DLG2: variants seen among roughly 807,000 people sequenced by gnomAD.
The protein encoded by DLG2 is disks large homolog 2.
DLG2 carries 45 observed loss-of-function variants against 132.5 expected under a neutral mutation model. The observed-to-expected ratio is 0.34, with a 90% CI of 0.27 to 0.44. The LOEUF is 0.44. DLG2 is among the 20% of genes least tolerant of loss of function. The pLI, the probability that DLG2 is intolerant of heterozygous loss-of-function variation, is 1.00. For synonymous variants in DLG2, 424 were observed against 419.6 expected (o/e 1.01, Z -0.13); for missense variants, 1,045 against 1,196.9 (o/e 0.87, Z 1.87).
intron 19 of DLG2, among the ~76,000 whole-genome samples, chr11:83,609,751 A>T (rs1300782841): frequency 6.6e-6 from 1 of 152,024 alleles, no homozygotes. Flanking sequence ...AGCAAAAAAA[A>T]CCCTGCTGGA....
intron 6 of DLG2, among the ~76,000 whole-genome samples, chr11:84,681,153 T>A (rs1401594778): frequency 6.6e-6 from 1 of 152,206 alleles, no homozygotes; most frequent in Admixed American, 6.5e-5. Flanking sequence ...AAAAGTCAAT[T>A]TGAGAAATGT....
At chr11:85,397,517 C>T (rs2087528471) in intron 3 of DLG2, among the ~76,000 whole-genome samples, 1 of 152,120 alleles carries the variant, frequency 6.6e-6, no homozygotes, top group Non-Finnish European at 1.5e-5. Context: ...CATTGGTATG[C>T]TGTATTCAGG....
chr11:85,606,523 C>G (rs1029959006), intron 2 of DLG2, among the ~76,000 whole-genome samples: 3 of 152,112 alleles, frequency 2.0e-5, no homozygotes, highest in African/African-American at 7.2e-5. Context: ...TAAAATGGAC[C>G]AAGCAGCTCT....
chr11:84,337,506 TC>T (rs966855991), intron 7 of DLG2, among the ~76,000 whole-genome samples: 1 of 152,248 alleles, frequency 6.6e-6, no homozygotes, highest in Non-Finnish European at 1.5e-5. Context: ...TATATTTTTT[TC>T]TGCAAAAAGT....
intron 6 of DLG2, among the ~76,000 whole-genome samples, chr11:84,550,543 G>C (rs1345643558): frequency 6.6e-6 from 1 of 152,160 alleles, no homozygotes; most frequent in Non-Finnish European, 1.5e-5. Flanking sequence ...GAACCTACCT[G>C]TGAAATTGGC....
At chr11:83,716,076 A>T (rs2086620932) in intron 18 of DLG2, among the ~76,000 whole-genome samples, 2 of 152,186 alleles carry the variant, frequency 1.3e-5, no homozygotes, top group South Asian at 4.1e-4. Context: ...TCCAATGCCC[A>T]CCATGCCTGG....
chr11:85,545,327 C>T (rs2076238979), intron 3 of DLG2, among the ~76,000 whole-genome samples: 1 of 152,080 alleles, frequency 6.6e-6, no homozygotes, highest in Non-Finnish European at 1.5e-5. Context: ...CTTGCATCCC[C>T]GGGATGCAGC....
At chr11:85,610,688 G>A (rs957128444) in intron 2 of DLG2, among the ~76,000 whole-genome samples, 1 of 152,200 alleles carries the variant, frequency 6.6e-6, no homozygotes, top group African/African-American at 2.4e-5. Context: ...TAGATCTCTT[G>A]AACTTTCTAG....
intron 7 of DLG2, among the ~76,000 whole-genome samples, chr11:84,317,749 C>A (rs1382581967): frequency 6.6e-6 from 1 of 151,974 alleles, no homozygotes; most frequent in Non-Finnish European, 1.5e-5. Context: ...AGACACAGAC[C>A]CAGTCATGAA....
intron 6 of DLG2, among the ~76,000 whole-genome samples, chr11:84,613,239 T>C (rs149095012): frequency 1.3e-5 from 2 of 152,218 alleles, no homozygotes; most frequent in Middle Eastern, 3.4e-3. Context: ...GTATTTTATA[T>C]TAAATAATAC....
At chr11:85,113,138 TGCA>T (rs1008411259) in intron 5 of DLG2, among the ~76,000 whole-genome samples, 8 of 152,002 alleles carry the variant, frequency 5.3e-5, no homozygotes, top group Admixed American at 1.3e-4. Flanking sequence ...AAATATGATA[TGCA>T]GCAGCAGCAG....
chr11:84,527,283 T>C (rs1367538), intron 7 of DLG2, among the ~76,000 whole-genome samples: 3,644 of 152,336 alleles, frequency 0.024, 56 homozygotes, highest in Non-Finnish European at 0.038. Context: ...AGAGGGTTTT[T>C]ATTGTACTTT....
intron 18 of DLG2, among the ~76,000 whole-genome samples, chr11:83,635,636 C>G (rs1346364259): frequency 6.6e-6 from 1 of 152,018 alleles, no homozygotes; most frequent in African/African-American, 2.4e-5. Context: ...CAAACAAGAC[C>G]ATAGCTATTT....
At chr11:85,053,584 C>A (rs1174084136) in intron 6 of DLG2, among the ~76,000 whole-genome samples, 2 of 144,868 alleles carry the variant, frequency 1.4e-5, no homozygotes, top group Non-Finnish European at 3.0e-5. Context: ...GTCAGGAGAT[C>A]GAGACCATCC....
intron 3 of DLG2, among the ~76,000 whole-genome samples, chr11:85,427,659 C>A (rs2090864203): frequency 2.0e-5 from 3 of 152,214 alleles, no homozygotes; most frequent in African/African-American, 7.2e-5. Context: ...CCGGTATCAG[C>A]CACTGCAAAA....
intron 5 of DLG2, among the ~76,000 whole-genome samples, chr11:85,117,637 T>A (rs1287024547): frequency 2.5e-4 from 31 of 122,156 alleles, no homozygotes; most frequent in Non-Finnish European, 2.7e-4. Flanking sequence ...TAATCGTAAA[T>A]AGGAATAAAA....
At chr11:84,885,711 T>C (rs2088158712) in intron 6 of DLG2, among the ~76,000 whole-genome samples, 1 of 152,068 alleles carries the variant, frequency 6.6e-6, no homozygotes, top group African/African-American at 2.4e-5. Context: ...ATAGTAGGTA[T>C]TCATGAAATG....
intron 5 of DLG2, among the ~76,000 whole-genome samples, chr11:85,126,836 A>C (rs2075169306): frequency 6.6e-6 from 1 of 152,208 alleles, no homozygotes; most frequent in Non-Finnish European, 1.5e-5. Flanking sequence ...TTCTTATCTC[A>C]CCGAATTCTT....
At chr11:84,144,243 T>C (rs553594573) in intron 9 of DLG2, among the ~76,000 whole-genome samples, 24 of 152,302 alleles carry the variant, frequency 1.6e-4, no homozygotes, top group Non-Finnish European at 2.9e-4. Flanking sequence ...TGGTTTGATT[T>C]ACGGTCTGTA....
Sources: gnomAD v4.1 joint callset for allele counts (sites outside exome capture counted in the v4.1 genomes callset) on GRCh38, gnomAD v4.1.1 for gene constraint, MANE v1.5 for transcripts, NCBI Gene and HGNC (gene_info 2026-07-23, HGNC 2026-07-21) for gene names.